TNFRSF21: variants seen among roughly 807,000 people sequenced by gnomAD.
TNFRSF21 encodes tumor necrosis factor receptor superfamily member 21.
In TNFRSF21, 19 loss-of-function variants were observed where a neutral mutation model predicts 45.6. That is an observed-to-expected ratio of 0.42 (90% confidence interval 0.29 to 0.61). The LOEUF is 0.61. Ranked by LOEUF, TNFRSF21 falls within the 20% of genes least tolerant of loss-of-function variation. The probability of loss-of-function intolerance (pLI) is 0.23; values close to 1 mark genes in which losing one functional copy is unlikely to be tolerated. For synonymous variants in TNFRSF21, 314 were observed against 335.5 expected (o/e 0.94, Z 0.70); for missense variants, 737 against 851.5 (o/e 0.87, Z 1.67).
rs79877149 is a variant in TNFRSF21, at chr6:47,279,461, T to G, written c.1243+4477A>C. Among the ~76,000 whole-genome samples the G allele has an allele frequency of 4.2e-3, 635 of 152,350 alleles. 5 individuals are homozygous for G. The highest frequency in any genetic ancestry group is 7.3e-3 in the Non-Finnish European group (499 of 68,032). On this transcript the variant is annotated intron_variant, in intron 3 of 5. Transcript: ENST00000296861. ...GCTGTTTGCAGATCATTGGTGACTT[T>G]TCTCAGTGCAATGTATGGCCAATTG...
Position 47,283,943 on chromosome 6 carries a change from C to A in TNFRSF21, c.1238G>T (p.Gly413Val). The part of the protein sequence containing the change: ...NREKWIYYCN[G>V]HGIDILKLVA... ...AGAGAAGAGAGAAGGCTCACCATGG[C>A]CATTGCAGTAGTAGATCCATTTCTC... The change falls in exon 3 of 6, where the codon GGC (glycine) becomes GTC (valine). Residue 413 changes from glycine to valine, a missense_variant. Transcript: ENST00000296861. 6.2e-7 allele frequency: 1 copy of A among 1,612,446 alleles called. No individual in the cohort carries two copies. The highest frequency in any genetic ancestry group is 8.5e-7 in the Non-Finnish European group (1 of 1,179,286).
At chr6:47,293,847 C>T (rs1762759477) in intron 1 of TNFRSF21, among the ~76,000 whole-genome samples, 1 of 152,186 alleles carries the variant, frequency 6.6e-6, no homozygotes, top group African/African-American at 2.4e-5. Context: ...AAACAGGTTT[C>T]ACAAGATCCC....
At chr6:47,298,284 TAAA>T (rs558717941) in intron 1 of TNFRSF21, among the ~76,000 whole-genome samples, 5 of 74,406 alleles carry the variant, frequency 6.7e-5, no homozygotes, top group Non-Finnish European at 1.2e-4. Context: ...TACAAAAAAT[TAAA>T]AAAAAAAAAA....
chr6:47,255,843 T>C (rs866801698), intron 3 of TNFRSF21, among the ~76,000 whole-genome samples: 27 of 152,058 alleles, frequency 1.8e-4, no homozygotes, highest in Middle Eastern at 3.4e-3. Flanking sequence ...TAAAAAATAT[T>C]TACTACTCAA....
intron 3 of TNFRSF21, among the ~76,000 whole-genome samples, chr6:47,267,798 T>C (rs1055646917): frequency 3.0e-4 from 45 of 152,254 alleles, no homozygotes; most frequent in Admixed American, 1.9e-3. Flanking sequence ...AACCCAGGTA[T>C]ATCTGACGCA....
At chr6:47,307,911 A>C (rs1344198563) in intron 1 of TNFRSF21, among the ~76,000 whole-genome samples, 2 of 152,162 alleles carry the variant, frequency 1.3e-5, no homozygotes, top group African/African-American at 2.4e-5. Context: ...AAGCTGTGAA[A>C]AAGGAAATGA....
chr6:47,303,110 T>A (rs983920857), intron 1 of TNFRSF21, among the ~76,000 whole-genome samples: 2 of 152,212 alleles, frequency 1.3e-5, no homozygotes, highest in Non-Finnish European at 2.9e-5. Flanking sequence ...GCTGCTCTCA[T>A]TTGATTCCTG....
chr6:47,238,773 TA>T, intron 4 of TNFRSF21, among the ~76,000 whole-genome samples: 1 of 152,328 alleles, frequency 6.6e-6, no homozygotes, highest in South Asian at 2.1e-4. Context: ...GTAAACAGAC[TA>T]CTGCTTTGGG....
chr6:47,252,845 C>T (rs1764919326), intron 4 of TNFRSF21, among the ~76,000 whole-genome samples: 1 of 152,206 alleles, frequency 6.6e-6, no homozygotes, highest in South Asian at 2.1e-4. Flanking sequence ...TCATAAGCCA[C>T]ATCACAAAAA....
chr6:47,252,309 C>A (rs1725130724), intron 4 of TNFRSF21, among the ~76,000 whole-genome samples: 1 of 152,168 alleles, frequency 6.6e-6, no homozygotes, highest in African/African-American at 2.4e-5. Context: ...CCCTTTAAAT[C>A]TTAAGTGGGT....
intron 2 of TNFRSF21, 59 bp from the exon 3 acceptor site, chr6:47,284,491 C>T: frequency 1.4e-6 from 2 of 1,466,402 alleles, no homozygotes; most frequent in Non-Finnish European, 1.8e-6. Flanking sequence ...TCTATACATT[C>T]CCTCCTTTCC....
At chr6:47,300,070 G>A (rs1174077013) in intron 1 of TNFRSF21, among the ~76,000 whole-genome samples, 1 of 152,220 alleles carries the variant, frequency 6.6e-6, no homozygotes, top group Non-Finnish European at 1.5e-5. Flanking sequence ...GAGACAGCAA[G>A]CCAAGCATCC....
At chr6:47,287,660 T>C (rs1249978725) in intron 1 of TNFRSF21, among the ~76,000 whole-genome samples, 1 of 152,204 alleles carries the variant, frequency 6.6e-6, no homozygotes, top group African/African-American at 2.4e-5. Flanking sequence ...TGTATGCTAC[T>C]CTTATAACTG....
intron 5 of TNFRSF21, among the ~76,000 whole-genome samples, chr6:47,234,447 G>A (rs551874642): frequency 2.8e-4 from 43 of 152,282 alleles, no homozygotes; most frequent in Admixed American, 2.3e-3. Flanking sequence ...GCTCTCCACC[G>A]GGCAGTGCGA....
chr6:47,279,268 A>G (rs2113861404), intron 3 of TNFRSF21, among the ~76,000 whole-genome samples: 1 of 152,330 alleles, frequency 6.6e-6, no homozygotes, highest in South Asian at 2.1e-4. Context: ...AAAGTAGGGA[A>G]GGGAGGAAGG....
At chr6:47,250,701 T>C (rs1203820988) in intron 4 of TNFRSF21, among the ~76,000 whole-genome samples, 3 of 151,928 alleles carry the variant, frequency 2.0e-5, no homozygotes, top group East Asian at 3.9e-4. Context: ...ACACAGGGAG[T>C]ACAAGCCCAT....
At chr6:47,288,722 T>C (rs549944308) in intron 1 of TNFRSF21, among the ~76,000 whole-genome samples, 1 of 152,378 alleles carries the variant, frequency 6.6e-6, no homozygotes, top group Admixed American at 6.5e-5. Context: ...ATGCACCAGA[T>C]TGCCTGCTTG....
intron 3 of TNFRSF21, among the ~76,000 whole-genome samples, chr6:47,255,915 A>G (rs1764980806): frequency 6.6e-6 from 1 of 152,214 alleles, no homozygotes; most frequent in Non-Finnish European, 1.5e-5. Flanking sequence ...AGAGAAGAAT[A>G]AAGAGGGGTT....
chr6:47,257,542 C>T (rs961830462), intron 3 of TNFRSF21, among the ~76,000 whole-genome samples: 5 of 152,172 alleles, frequency 3.3e-5, no homozygotes, highest in African/African-American at 1.2e-4. Context: ...GAATGCCTTC[C>T]TTGTGTAGGA....
Sources: gnomAD v4.1 joint callset for allele counts (sites outside exome capture counted in the v4.1 genomes callset) on GRCh38, gnomAD v4.1.1 for gene constraint, MANE v1.5 for transcripts, NCBI Gene and HGNC (gene_info 2026-07-23, HGNC 2026-07-21) for gene names.